MYO7A: variants seen among roughly 807,000 people sequenced by gnomAD.
The protein encoded by MYO7A is unconventional myosin-VIIa.
MYO7A carries 210 observed loss-of-function variants against 263.8 expected under a neutral mutation model. The ratio of observed to expected loss-of-function variants is 0.80; its 90% CI spans 0.71 to 0.89. The LOEUF (loss-of-function observed/expected upper bound fraction) is 0.89. Ranked by LOEUF, MYO7A falls within the 40% of genes least tolerant of loss-of-function variation. The pLI, the probability that MYO7A is intolerant of heterozygous loss-of-function variation, is 0.00. For missense variants in MYO7A, 2,820 were observed against 2,968.3 expected, an observed-to-expected ratio of 0.95 and a Z score of 1.16; for synonymous variants, 1,239 against 1,197.3, an observed-to-expected ratio of 1.03 and a Z score of -0.72.
rs557426759 is a variant in MYO7A at position 77,153,932 on chromosome 11, A to G, written c.286-1975A>G. 3.3e-5 allele frequency among the ~76,000 whole-genome samples: 5 copies of G among 152,360 alleles called. No individual in the cohort carries two copies. The South Asian group carries it at 6.2e-4, about 19-fold the overall frequency. On this transcript the variant is annotated intron_variant, in intron 4 of 48. Transcript: ENST00000409709. ...CTGTGCTGTGTGGGGATCATGGGCCAGACGGCTGAGCATCACATTATTAAG... is the reference window on the plus strand; with the variant it reads ...CTGTGCTGTGTGGGGATCATGGGCCGGACGGCTGAGCATCACATTATTAAG...
At chr11:77,193,107 C>CTGTTGGTGATGGTGGAGGTAGCGATGG (rs1565443928) in intron 31 of MYO7A, among the ~76,000 whole-genome samples, 2 of 44,982 alleles carry the variant, frequency 4.4e-5, no homozygotes, top group African/African-American at 2.3e-4. Context: ...GGTAGTGATG[C>CTGTTGGTGATGGTGGAGGTAGCGATGG]TGTTGGTGAT....
chr11:77,152,522 G>A (rs1952060005), intron 4 of MYO7A, among the ~76,000 whole-genome samples: 3 of 152,296 alleles, frequency 2.0e-5, no homozygotes, highest in South Asian at 4.1e-4. Context: ...AACTTGAAAA[G>A]GTCAGGCAGG....
chr11:77,202,474 C>T (rs926575739), intron 37 of MYO7A, 50 bp downstream of exon 37: 23 of 1,534,320 alleles, frequency 1.5e-5, no homozygotes, highest in Non-Finnish European at 1.9e-5. Flanking sequence ...GAGCTGCAGG[C>T]TTCCGCTACT....
intron 4 of MYO7A, among the ~76,000 whole-genome samples, chr11:77,150,826 T>C (rs2135746439): frequency 6.6e-6 from 1 of 152,218 alleles, no homozygotes; most frequent in Non-Finnish European, 1.5e-5. Context: ...ACTCGCTGAG[T>C]TCATGATTCT....
intron 25 of MYO7A, 111 bp from the exon 26 acceptor site, chr11:77,182,957 C>G (rs1955376612): frequency 3.2e-6 from 3 of 937,784 alleles, no homozygotes; most frequent in Non-Finnish European, 5.1e-6. Context: ...TGGGGGACAC[C>G]CTGTAAGCTT....
rs35963362 is a variant in MYO7A, at chr11:77,182,561, G to A, written c.3246G>A (p.Thr1082=). The A allele has an allele frequency of 1.4e-3, 2,226 of 1,613,268 alleles. 24 individuals are homozygous for A. In the African/African-American group the frequency reaches 0.025, roughly 18 times the overall value. ...TTTATGAGACCCTGGGCAAGAAGAC[G>A]TACAAGAGGGAGCTGCAGGCCCTGC... ...TKIYETLGKK[T]YKRELQALQG... Residue 1082 remains threonine (T), a synonymous_variant, in exon 25 of 49, where the codon ACG becomes ACA. Transcript: ENST00000409709.
rs1555054661 is a variant in MYO7A at position 77,147,837 on chromosome 11, C to T, written c.172C>T (p.Pro58Ser). Residue 58 changes from proline to serine, a missense_variant, in exon 4 of 49, where the codon CCT (proline) becomes TCT (serine). By Grantham distance (74) the Pro-to-Ser change is moderately conservative. Coordinates refer to ENST00000409709, the MANE Select transcript of MYO7A (RefSeq NM_000260.4). ...ISPQNATHIK[P>S]MHPTSVHGVE... is the part of the protein sequence containing the mutation. ...TCCGCAGAACGCAACGCACATCAAG[C>T]CTATGCACCCCACGTCGGTCCACGG... 2 of 1,610,416 alleles carry T rather than the reference C, an allele frequency of 1.2e-6. No homozygotes were observed. The highest frequency in any genetic ancestry group is 1.7e-6 in the Non-Finnish European group (2 of 1,178,916).
At chr11:77,165,540 G>C (rs1953455018) in intron 14 of MYO7A, among the ~76,000 whole-genome samples, 1 of 152,194 alleles carries the variant, frequency 6.6e-6, no homozygotes, top group Non-Finnish European at 1.5e-5. Flanking sequence ...TAGCTTCTCT[G>C]AACATCAGTT....
At position 77,211,925 on chromosome 11, in the gene MYO7A, C is replaced by T. The variant is rs751923355; in HGVS notation, c.6342C>T (p.Phe2114=). The T allele has an allele frequency of 1.2e-6, 2 of 1,613,644 alleles. No homozygotes were observed. The highest frequency in any genetic ancestry group is 2.2e-5 in the East Asian group (1 of 44,872). The change falls in exon 46 of 49, where the codon TTC becomes TTT. Residue 2114 remains phenylalanine, a synonymous_variant. Coordinates refer to ENST00000409709, the MANE Select transcript of MYO7A (RefSeq NM_000260.4). The part of the protein sequence containing the change: ...IFKWPTFGSA[F]FEVKQTTEPN... ...AGTGGCCCACCTTTGGCTCAGCCTT[C>T]TTCGAGGTGAAGGTACACCATGGGC... is the stretch of plus-strand genomic sequence containing the variant.
At chr11:77,143,684 G>A (rs1190417563) in intron 3 of MYO7A, among the ~76,000 whole-genome samples, 1 of 152,212 alleles carries the variant, frequency 6.6e-6, no homozygotes, top group African/African-American at 2.4e-5. Context: ...AAGAATCCAG[G>A]GAGATTCAGC....
chr11:77,208,893 G>A (rs1164098015), intron 44 of MYO7A, 90 bp downstream of exon 44: 1 of 1,097,502 alleles, frequency 9.1e-7, no homozygotes, highest in South Asian at 1.4e-5. Context: ...ACCTTGCCAG[G>A]TGTGGGGCCC....
chr11:77,181,934 C>A lies in MYO7A; in HGVS notation c.2905-17C>A, dbSNP rs782816628. ...TGAGTAGCTGGGACTCCAGGGCATACCTCTTGTCTCCTTCAGGACCTGGAG... is the reference window on the plus strand; with the variant it reads ...TGAGTAGCTGGGACTCCAGGGCATAACTCTTGTCTCCTTCAGGACCTGGAG... On this transcript the variant is annotated splice_polypyrimidine_tract_variant and intron_variant, in intron 23 of 48. Coordinates refer to ENST00000409709, the MANE Select transcript of MYO7A (RefSeq NM_000260.4). The A allele has an allele frequency of 1.4e-5, 23 of 1,611,948 alleles. No homozygotes were observed. Among genetic ancestry groups the A allele is most frequent in the Non-Finnish European group, 2.0e-5 (23 of 1,179,112 alleles).
intron 14 of MYO7A, among the ~76,000 whole-genome samples, chr11:77,165,652 G>A (rs1391207603): frequency 6.6e-6 from 1 of 152,200 alleles, no homozygotes; most frequent in Non-Finnish European, 1.5e-5. Context: ...CCACAAGGTG[G>A]TTTTAATGAA....
rs12577334 is a variant in MYO7A, at chr11:77,179,354, T to C, written c.2367+225T>C. On this transcript the variant is annotated intron_variant, in intron 20 of 48. Transcript: ENST00000409709. ...GTTTGTTGCTCTCCTTCTGGAGTGT[T>C]TTTGGGGGTTGGGAGCACTCTGGGA... Among the ~76,000 whole-genome samples the C allele has an allele frequency of 0.54, 82,002 of 152,110 alleles. 22,347 individuals carry two copies. The highest frequency in any genetic ancestry group is 0.61 in the Admixed American group (9,335 of 15,284).
At chr11:77,157,182 CATTTGTTA>C in intron 7 of MYO7A, 89 bp from the exon 8 acceptor site, 1 of 1,359,024 alleles carries the variant, frequency 7.4e-7, no homozygotes, top group Non-Finnish European at 1.0e-6. Context: ...CTCCACAAGC[CATTTGTTA>C]AAATAGTAAA....
intron 2 of MYO7A, among the ~76,000 whole-genome samples, chr11:77,132,736 C>T (rs1950802064): frequency 6.6e-6 from 1 of 152,206 alleles, no homozygotes; most frequent in Non-Finnish European, 1.5e-5. Flanking sequence ...ATCCGCCCAC[C>T]TCGGCCTCCC....
intron 41 of MYO7A, among the ~76,000 whole-genome samples, chr11:77,206,533 C>T (rs564717361): frequency 1.3e-5 from 2 of 152,318 alleles, no homozygotes; most frequent in African/African-American, 4.8e-5. Flanking sequence ...GATGTAGGGC[C>T]CCACTGGCCC....
At chr11:77,194,236 C>T in intron 31 of MYO7A, 118 bp from the exon 32 acceptor site, 2 of 1,236,924 alleles carry the variant, frequency 1.6e-6, no homozygotes, top group Non-Finnish European at 2.3e-6. Flanking sequence ...TCCCAAAGGC[C>T]AGGCTCTGAG....
At chr11:77,160,860 A>C in intron 11 of MYO7A, 113 bp from the exon 12 acceptor site, 4 of 1,264,484 alleles carry the variant, frequency 3.2e-6, no homozygotes, top group Non-Finnish European at 4.4e-6. Context: ...GGGGTTTCAC[A>C]CGGCACTTTG....
Sources: gnomAD v4.1 joint callset for allele counts (sites outside exome capture counted in the v4.1 genomes callset) on GRCh38, gnomAD v4.1.1 for gene constraint, MANE v1.5 for transcripts, NCBI Gene and HGNC (gene_info 2026-07-23, HGNC 2026-07-21) for gene names.